The following RCAN1 variants were observed in gnomAD, a reference collection of about 807,000 sequenced individuals.
The protein encoded by RCAN1 is calcipressin-1.
In RCAN1, 11 loss-of-function variants were observed where a neutral mutation model predicts 22.9. The ratio of observed to expected loss-of-function variants is 0.48; its 90% CI spans 0.30 to 0.79. The LOEUF (loss-of-function observed/expected upper bound fraction) is 0.79, where lower values mean the gene tolerates loss of function less well. RCAN1 is among the 30% of genes least tolerant of loss of function. RCAN1 has a pLI of 0.06. For synonymous variants in RCAN1, 136 were observed against 142.3 expected (o/e 0.96, Z 0.32); for missense variants, 291 against 337.8 (o/e 0.86, Z 1.09).
chr21:34,547,124 C>G (rs1341937867), intron 1 of RCAN1, among the ~76,000 whole-genome samples: 1 of 152,156 alleles, frequency 6.6e-6, no homozygotes, highest in Non-Finnish European at 1.5e-5. Context: ...CAGCCACTAC[C>G]CCTGCCAAAA....
intron 1 of RCAN1, among the ~76,000 whole-genome samples, chr21:34,609,644 T>C (rs1283439133): frequency 6.6e-6 from 1 of 152,190 alleles, no homozygotes; most frequent in Non-Finnish European, 1.5e-5. Flanking sequence ...TTCCTTTATG[T>C]AATTGTCCTG....
rs1356147822 is a variant in RCAN1, at chr21:34,516,586, T to G, written c.*1498A>C. 1 of 152,200 alleles carries G rather than the reference T, an allele frequency of 6.6e-6. No individual in the cohort carries two copies. The highest frequency in any genetic ancestry group is 1.5e-5 in the Non-Finnish European group (1 of 68,030). The allele number at this position is 152,200 out of a possible 1,614,324, so 9.4% of individuals were successfully genotyped here. On this transcript the variant is annotated 3_prime_UTR_variant, in exon 4 of 4. Coordinates refer to ENST00000313806, the MANE Select transcript of RCAN1 (RefSeq NM_004414.7). ...TTTAAAAGCACTTAACAAGAAACAC[T>G]TGGACAGCGATGCAATGGTCTCTCC... is the stretch of plus-strand genomic sequence containing the variant.
At chr21:34,530,628 T>TGTTTGTTTTG (rs57553232) in intron 1 of RCAN1, among the ~76,000 whole-genome samples, 18 of 136,670 alleles carry the variant, frequency 1.3e-4, no homozygotes, top group East Asian at 4.5e-4. Context: ...TTTTTTTTTT[T>TGTTTGTTTTG]TTTTTTTTTT....
At chr21:34,520,218 G>C (rs373908775) in intron 3 of RCAN1, among the ~76,000 whole-genome samples, 1 of 152,146 alleles carries the variant, frequency 6.6e-6, no homozygotes, top group East Asian at 1.9e-4. Context: ...ATAAGCCCTC[G>C]GTGAAGGAAG....
At chr21:34,586,953 TAA>T (rs1987819851) in intron 1 of RCAN1, among the ~76,000 whole-genome samples, 1 of 150,342 alleles carries the variant, frequency 6.7e-6, no homozygotes. Context: ...AAACTCCGTT[TAA>T]AAAAATAAAA....
chr21:34,593,594 T>C lies in RCAN1; in HGVS notation c.252+21166A>G, dbSNP rs190159400. ...TGTCTCTTAGTCACAGAAGGGGGCA[T>C]GGGGCAGCCTGGCTCGGAACACCTG... On this transcript the variant is annotated intron_variant, in intron 1 of 3. Coordinates refer to ENST00000313806, the MANE Select transcript of RCAN1 (RefSeq NM_004414.7). 1.5e-4 allele frequency among the ~76,000 whole-genome samples: 23 copies of C among 152,250 alleles called. 1 individual carries two copies. The highest frequency in any genetic ancestry group is 1.2e-3 in the Admixed American group (18 of 15,302).
chr21:34,524,753 T>C (rs953934035), intron 1 of RCAN1: 5 of 251,654 alleles, frequency 2.0e-5, no homozygotes, highest in Non-Finnish European at 3.1e-5. Flanking sequence ...GGAGATGTCC[T>C]GAGCTCTTAG....
chr21:34,537,738 C>T (rs1253005757), intron 1 of RCAN1, among the ~76,000 whole-genome samples: 1 of 152,250 alleles, frequency 6.6e-6, no homozygotes, highest in Non-Finnish European at 1.5e-5. Flanking sequence ...AGAAGTTTAC[C>T]CAGCTCTGGG....
At chr21:34,596,293 C>G (rs115205090) in intron 1 of RCAN1, among the ~76,000 whole-genome samples, 1 of 152,156 alleles carries the variant, frequency 6.6e-6, no homozygotes, top group South Asian at 2.1e-4. Flanking sequence ...CAGAAAAAGC[C>G]GAGAGTCTCT....
chr21:34,596,345 G>A (rs1403147273), intron 1 of RCAN1, among the ~76,000 whole-genome samples: 3 of 152,170 alleles, frequency 2.0e-5, no homozygotes, highest in Non-Finnish European at 4.4e-5. Flanking sequence ...GAACGACTGG[G>A]AGGGAAGGCT....
chr21:34,541,868 A>G (rs1024823171), intron 1 of RCAN1, among the ~76,000 whole-genome samples: 3 of 152,192 alleles, frequency 2.0e-5, no homozygotes, highest in African/African-American at 7.2e-5. Flanking sequence ...CAGGAAGTGG[A>G]GCTTGCAGTG....
Position 34,530,616 on chromosome 21 carries a change from GTTTTT to G in RCAN1, c.253-6911_253-6907del, listed in dbSNP as rs59150851. On this transcript the variant is annotated intron_variant, in intron 1 of 3. Transcript: ENST00000313806. ...TTTTTGCTTCTAAGATAGTGAAATA[GTTTTT>G]TTTTTTTTTTTTTTTTTTTTTTGAG... 1.1e-4 allele frequency among the ~76,000 whole-genome samples: 7 copies of G among 66,228 alleles called. 1 individual carries two copies. In the South Asian group the frequency reaches 3.9e-3, roughly 36 times the overall value. The allele number at this position is 66,228 out of a possible 152,430, so 43.4% of individuals were successfully genotyped here.
intron 1 of RCAN1, among the ~76,000 whole-genome samples, chr21:34,585,553 C>T (rs559323787): frequency 3.9e-5 from 6 of 152,016 alleles, no homozygotes; most frequent in African/African-American, 1.4e-4. Flanking sequence ...ACCATCCTGG[C>T]TAACACGGTG....
intron 1 of RCAN1, among the ~76,000 whole-genome samples, chr21:34,528,024 TTTAGATCCCTATGGCAGCC>T (rs1275713615): frequency 6.6e-6 from 1 of 152,180 alleles, no homozygotes; most frequent in East Asian, 1.9e-4. Context: ...ATTTTACCAG[TTTAGATCCCTATGGCAGCC>T]TGGGTCCTAT....
intron 1 of RCAN1, among the ~76,000 whole-genome samples, chr21:34,558,140 G>A (rs1024504565): frequency 5.3e-5 from 8 of 152,118 alleles, no homozygotes; most frequent in Non-Finnish European, 7.4e-5. Flanking sequence ...TCATGCTGCC[G>A]ACCATTCACA....
intron 1 of RCAN1, among the ~76,000 whole-genome samples, chr21:34,540,898 C>T (rs1362532874): frequency 6.6e-6 from 1 of 151,990 alleles, no homozygotes; most frequent in Non-Finnish European, 1.5e-5. Flanking sequence ...GGTAGAAGAA[C>T]CGCTTGAACC....
chr21:34,587,905 T>G (rs1987851578), intron 1 of RCAN1, among the ~76,000 whole-genome samples: 1 of 152,196 alleles, frequency 6.6e-6, no homozygotes, highest in South Asian at 2.1e-4. Flanking sequence ...AGGGAGCTCA[T>G]CCAATCAGTT....
intron 1 of RCAN1, among the ~76,000 whole-genome samples, chr21:34,596,027 C>T (rs1988139642): frequency 1.3e-5 from 2 of 152,206 alleles, no homozygotes; most frequent in African/African-American, 4.8e-5. Context: ...GTAGAGAAGA[C>T]ATCTTAGTGT....
chr21:34,520,492 T>A (rs1181969846), intron 3 of RCAN1, among the ~76,000 whole-genome samples: 1 of 152,210 alleles, frequency 6.6e-6, no homozygotes, highest in East Asian at 1.9e-4. Context: ...CAGAGGGAAT[T>A]TCCGTTTGGA....
Sources: gnomAD v4.1 joint callset for allele counts (sites outside exome capture counted in the v4.1 genomes callset) on GRCh38, gnomAD v4.1.1 for gene constraint, MANE v1.5 for transcripts, NCBI Gene and HGNC (gene_info 2026-07-23, HGNC 2026-07-21) for gene names.